ERC2: variants seen among roughly 807,000 people sequenced by gnomAD.
ERC2 encodes ELKS/RAB6-interacting/CAST family member 2, also known as ERC protein 2.
A neutral mutation model predicts 114.8 loss-of-function variants in ERC2; 42 were observed. The ratio of observed to expected loss-of-function variants is 0.37; its 90% CI spans 0.29 to 0.47. The LOEUF (loss-of-function observed/expected upper bound fraction) is 0.47. Ranked by LOEUF, ERC2 falls within the 20% of genes least tolerant of loss-of-function variation. The pLI, the probability that ERC2 is intolerant of heterozygous loss-of-function variation, is 0.99. For synonymous variants in ERC2, 454 were observed against 425.5 expected (o/e 1.07, Z -0.82); for missense variants, 939 against 1,150.7 (o/e 0.82, Z 2.66).
At chr3:55,570,544 G>A (rs1025584900) in intron 17 of ERC2, among the ~76,000 whole-genome samples, 1 of 152,106 alleles carries the variant, frequency 6.6e-6, no homozygotes, top group Non-Finnish European at 1.5e-5. Context: ...GATGCATGGG[G>A]CTGTTCTGCA....
chr3:56,413,065 C>A (rs1305270093), intron 2 of ERC2, among the ~76,000 whole-genome samples: 1 of 152,216 alleles, frequency 6.6e-6, no homozygotes, highest in Non-Finnish European at 1.5e-5. Flanking sequence ...AAAGGAGTGC[C>A]TAATATGACT....
chr3:56,305,067 G>A (rs2056128553), intron 2 of ERC2, among the ~76,000 whole-genome samples: 1 of 152,006 alleles, frequency 6.6e-6, no homozygotes, highest in Non-Finnish European at 1.5e-5. Context: ...ATTGTATTAT[G>A]TGGTTTTCTA....
At chr3:55,733,464 T>A (rs867382190) in intron 15 of ERC2, among the ~76,000 whole-genome samples, 2,728 of 134,032 alleles carry the variant, frequency 0.02, 45 homozygotes, top group Middle Eastern at 0.033. Flanking sequence ...TCTCTCTCTC[T>A]CACACACACA....
chr3:56,236,313 C>A (rs1249618731), intron 3 of ERC2, among the ~76,000 whole-genome samples: 1 of 151,914 alleles, frequency 6.6e-6, no homozygotes, highest in Non-Finnish European at 1.5e-5. Context: ...GAAACCATAT[C>A]CACTCGAAGA....
At chr3:55,925,835 A>T (rs906098313) in intron 13 of ERC2, among the ~76,000 whole-genome samples, 1 of 152,246 alleles carries the variant, frequency 6.6e-6, no homozygotes, top group East Asian at 1.9e-4. Flanking sequence ...TGTACACGGT[A>T]GTATTTCTAC....
chr3:55,944,596 G>A (rs576276810), intron 13 of ERC2, among the ~76,000 whole-genome samples: 3 of 152,292 alleles, frequency 2.0e-5, no homozygotes, highest in African/African-American at 7.2e-5. Flanking sequence ...TTGGCTTCTT[G>A]GAACATTTCT....
intron 2 of ERC2, among the ~76,000 whole-genome samples, chr3:56,335,832 T>C (rs527333020): frequency 3.3e-5 from 5 of 152,078 alleles, no homozygotes; most frequent in African/African-American, 1.2e-4. Context: ...ATCGGCTGAA[T>C]GAAAAAAGTG....
At chr3:55,867,582 A>T (rs890303859) in intron 14 of ERC2, among the ~76,000 whole-genome samples, 8 of 152,244 alleles carry the variant, frequency 5.3e-5, no homozygotes, top group African/African-American at 1.9e-4. Context: ...ACAAAATGCA[A>T]TCGCATCTAT....
At chr3:55,618,605 T>C (rs925810865) in intron 17 of ERC2, among the ~76,000 whole-genome samples, 1 of 152,220 alleles carries the variant, frequency 6.6e-6, no homozygotes, top group Admixed American at 6.5e-5. Flanking sequence ...TAAAAACATT[T>C]ATAATATAAT....
Position 55,656,797 on chromosome 3 carries a change from G to A in ERC2, c.*39+26997C>T, listed in dbSNP as rs570839727. Among the ~76,000 whole-genome samples the A allele has an allele frequency of 6.9e-5, 10 of 144,656 alleles. No homozygotes were observed. The East Asian group carries it at 1.9e-3, about 28-fold the overall frequency. The allele number at this position is 144,656 out of a possible 152,430, so 94.9% of individuals were successfully genotyped here. On this transcript the variant is annotated intron_variant, in intron 17 of 17. Coordinates refer to ENST00000288221, the MANE Select transcript of ERC2 (RefSeq NM_015576.3). The stretch of plus-strand genomic sequence containing the variant: ...ACTGCAGAACCTGGAATGTCCAACT[G>A]TGGCAAGCACAGTCCCCTTCCCATA...
intron 14 of ERC2, among the ~76,000 whole-genome samples, chr3:55,887,725 C>T (rs2063414317): frequency 1.3e-5 from 2 of 152,084 alleles, no homozygotes; most frequent in African/African-American, 4.8e-5. Flanking sequence ...TGTCACAGGA[C>T]CACAGGAACA....
intron 17 of ERC2, among the ~76,000 whole-genome samples, chr3:55,544,139 G>A (rs1001333193): frequency 2.0e-5 from 3 of 152,156 alleles, no homozygotes; most frequent in Non-Finnish European, 4.4e-5. Flanking sequence ...ATACCTCTGG[G>A]CCTGTCTGGG....
chr3:56,135,110 G>A (rs138778988), intron 6 of ERC2, among the ~76,000 whole-genome samples: 7 of 151,764 alleles, frequency 4.6e-5, no homozygotes, highest in Non-Finnish European at 1.0e-4. Context: ...GTACCACCAC[G>A]TCCAGCTAAT....
intron 1 of ERC2, among the ~76,000 whole-genome samples, chr3:56,445,493 T>TCTA (rs2062518691): frequency 6.6e-6 from 1 of 152,214 alleles, no homozygotes; most frequent in Non-Finnish European, 1.5e-5. Context: ...CTTATCGTCC[T>TCTA]CTACTCTTAT....
intron 3 of ERC2, among the ~76,000 whole-genome samples, chr3:56,275,731 C>G (rs541040636): frequency 2.0e-5 from 3 of 152,198 alleles, no homozygotes; most frequent in Non-Finnish European, 4.4e-5. Context: ...CTGGACTGCA[C>G]TTTTAGTAGC....
At chr3:56,247,472 T>C (rs1289186675) in intron 3 of ERC2, among the ~76,000 whole-genome samples, 1 of 152,234 alleles carries the variant, frequency 6.6e-6, no homozygotes, top group Non-Finnish European at 1.5e-5. Flanking sequence ...ATTTCCCTTC[T>C]GCTTCAGTGT....
chr3:55,560,016 A>T (rs1290116132), intron 17 of ERC2, among the ~76,000 whole-genome samples: 11 of 152,200 alleles, frequency 7.2e-5, no homozygotes, highest in Admixed American at 4.6e-4. Context: ...GGGCTGCTGA[A>T]GGAACTTTAG....
At chr3:56,427,042 G>A (rs975925042) in intron 2 of ERC2, among the ~76,000 whole-genome samples, 2 of 150,958 alleles carry the variant, frequency 1.3e-5, no homozygotes, top group African/African-American at 4.9e-5. Flanking sequence ...GTGGTGGTGT[G>A]GTCCCAGTAC....
At chr3:56,022,486 T>G (rs2073782881) in intron 7 of ERC2, among the ~76,000 whole-genome samples, 1 of 152,080 alleles carries the variant, frequency 6.6e-6, no homozygotes. Flanking sequence ...CCTTTCATAC[T>G]CCAAAGATGA....
Sources: gnomAD v4.1 joint callset for allele counts (sites outside exome capture counted in the v4.1 genomes callset) on GRCh38, gnomAD v4.1.1 for gene constraint, MANE v1.5 for transcripts, NCBI Gene and HGNC (gene_info 2026-07-23, HGNC 2026-07-21) for gene names.